Variants in VMP1 observed in about 807,000 individuals in gnomAD.
VMP1 encodes vacuole membrane protein 1.
In VMP1, 11 loss-of-function variants were observed where a neutral mutation model predicts 56.0. The observed-to-expected ratio is 0.20, with a 90% confidence interval of 0.12 to 0.32. The LOEUF is 0.32. VMP1 is among the 10% of genes least tolerant of loss of function. The pLI is 1.00. For synonymous variants in VMP1, 149 were observed against 165.0 expected, an observed-to-expected ratio of 0.90 and a Z score of 0.74; for missense variants, 296 against 490.3, an observed-to-expected ratio of 0.60 and a Z score of 3.74.
intron 5 of VMP1, among the ~76,000 whole-genome samples, chr17:59,750,967 C>G (rs2035620271): frequency 8.2e-6 from 1 of 122,154 alleles, no homozygotes; most frequent in South Asian, 2.9e-4. Context: ...GAGTCTAGCT[C>G]TGTCACCCAG....
chr17:59,805,188 A>G (rs577271056), intron 7 of VMP1, among the ~76,000 whole-genome samples: 1 of 152,324 alleles, frequency 6.6e-6, no homozygotes, highest in South Asian at 2.1e-4. Flanking sequence ...CAAAAAAAAG[A>G]TTGTTGAAGC....
chr17:59,720,185 A>C (rs2034339124), intron 1 of VMP1, among the ~76,000 whole-genome samples: 2 of 152,258 alleles, frequency 1.3e-5, no homozygotes, highest in African/African-American at 4.8e-5. Context: ...TCCTACATCT[A>C]GGAATCTCAC....
chr17:59,758,220 TC>T (rs1313855827), intron 5 of VMP1, among the ~76,000 whole-genome samples: 2 of 152,202 alleles, frequency 1.3e-5, no homozygotes, highest in Admixed American at 6.6e-5. Flanking sequence ...GTGTTCACAC[TC>T]ATTTTATAGC....
At chr17:59,712,812 G>A (rs1440188200) in intron 1 of VMP1, among the ~76,000 whole-genome samples, 2 of 152,286 alleles carry the variant, frequency 1.3e-5, no homozygotes, top group East Asian at 3.9e-4. Context: ...TTTAAGTAGA[G>A]GAGTAATAGG....
At chr17:59,724,187 G>C (rs1381738744) in intron 1 of VMP1, among the ~76,000 whole-genome samples, 2 of 149,376 alleles carry the variant, frequency 1.3e-5, no homozygotes, top group African/African-American at 2.5e-5. Context: ...ACTCCAGCCC[G>C]GGGGACAGAG....
chr17:59,788,686 A>G (rs952216583), intron 7 of VMP1, among the ~76,000 whole-genome samples: 1 of 151,350 alleles, frequency 6.6e-6, no homozygotes, highest in Non-Finnish European at 1.5e-5. Context: ...GGGTGCTTCT[A>G]GTCCCAGCTG....
intron 5 of VMP1, among the ~76,000 whole-genome samples, chr17:59,747,604 T>A (rs1019606659): frequency 6.6e-6 from 1 of 150,534 alleles, no homozygotes; most frequent in Non-Finnish European, 1.5e-5. Flanking sequence ...AGAGATGGGG[T>A]TTCACCATGT....
In VMP1 at chr17:59,841,820, G is replaced by A. The variant is rs1418999910; in HGVS notation, c.*1909G>A. On this transcript the variant is annotated 3_prime_UTR_variant, in exon 12 of 12. Coordinates refer to ENST00000262291, the MANE Select transcript of VMP1 (RefSeq NM_030938.5). ...AAAGCAAATACGAATTGTACTATTT[G>A]TACCAAATCTTTGGGATTCATTGGC... The A allele has an allele frequency of 6.6e-6, 1 of 151,964 alleles. No individual in the cohort carries two copies. The highest frequency in any genetic ancestry group is 1.5e-5 in the Non-Finnish European group (1 of 68,010). The allele number at this position is 151,964 out of a possible 1,614,324, so 9.4% of individuals were successfully genotyped here. A position where few individuals can be genotyped will look rare whatever the true frequency, so the allele number is the denominator to read the frequency against.
chr17:59,792,000 C>T (rs568753508), intron 7 of VMP1, among the ~76,000 whole-genome samples: 17 of 152,146 alleles, frequency 1.1e-4, no homozygotes, highest in African/African-American at 3.9e-4. Context: ...GGCCGGGTGC[C>T]ATGGCTCATG....
rs537134495 is a variant in VMP1, at chr17:59,719,022, A to T, written c.-27+11274A>T. Reference sequence around the variant, plus strand: ...TAGTTACTCTGATATTGTGCATTTTATTTGAATTATCTTTGGCCTTATACC... The same window carrying T: ...TAGTTACTCTGATATTGTGCATTTTTTTTGAATTATCTTTGGCCTTATACC... On this transcript the variant is annotated intron_variant, in intron 1 of 11. Coordinates refer to ENST00000262291, the MANE Select transcript of VMP1 (RefSeq NM_030938.5). 6.6e-5 allele frequency among the ~76,000 whole-genome samples: 10 copies of T among 152,198 alleles called. No individual in the cohort carries two copies. In the East Asian group the frequency reaches 1.9e-3, roughly 29 times the overall value.
chr17:59,773,987 GT>G, intron 7 of VMP1, 102 bp downstream of exon 7: 2 of 715,674 alleles, frequency 2.8e-6, no homozygotes, highest in South Asian at 5.1e-5. Context: ...AACTGCTAAA[GT>G]AAAAAAAAAA....
intron 10 of VMP1, among the ~76,000 whole-genome samples, chr17:59,837,475 C>T (rs1476997292): frequency 6.6e-6 from 1 of 152,130 alleles, no homozygotes; most frequent in Non-Finnish European, 1.5e-5. Context: ...GTTGCCAAAC[C>T]GGTTTAACAG....
intron 10 of VMP1, among the ~76,000 whole-genome samples, chr17:59,829,474 A>G (rs946778254): frequency 2.0e-5 from 3 of 152,188 alleles, no homozygotes; most frequent in African/African-American, 7.2e-5. Flanking sequence ...CTGAGTCACT[A>G]TGAATAGAGC....
At chr17:59,830,960 T>C (rs1444339995) in intron 10 of VMP1, among the ~76,000 whole-genome samples, 1 of 152,104 alleles carries the variant, frequency 6.6e-6, no homozygotes, top group Non-Finnish European at 1.5e-5. Flanking sequence ...CTTGAGTAAC[T>C]AGGACTACAG....
At chr17:59,743,638 A>T (rs1415390247) in intron 5 of VMP1, among the ~76,000 whole-genome samples, 1 of 149,994 alleles carries the variant, frequency 6.7e-6, no homozygotes, top group Non-Finnish European at 1.5e-5. Flanking sequence ...TTATAAATAC[A>T]TATATTTTCT....
intron 6 of VMP1, among the ~76,000 whole-genome samples, chr17:59,769,953 A>G (rs146481989): frequency 9.8e-5 from 15 of 152,348 alleles, no homozygotes; most frequent in Non-Finnish European, 1.8e-4. Context: ...TGTCTAGGGT[A>G]TAATGTGTTT....
intron 7 of VMP1, among the ~76,000 whole-genome samples, chr17:59,804,187 G>A (rs1344279218): frequency 1.3e-5 from 2 of 151,938 alleles, no homozygotes; most frequent in Non-Finnish European, 2.9e-5. Flanking sequence ...AAACTACAGA[G>A]CAACAAGGAA....
chr17:59,801,622 A>C (rs1286030973), intron 7 of VMP1, among the ~76,000 whole-genome samples: 2 of 151,916 alleles, frequency 1.3e-5, no homozygotes, highest in Admixed American at 6.6e-5. Flanking sequence ...AGGCCGGATG[A>C]GGTGGCTCAT....
chr17:59,808,499 G>A (rs2037927100), intron 7 of VMP1, among the ~76,000 whole-genome samples: 2 of 152,262 alleles, frequency 1.3e-5, no homozygotes, highest in East Asian at 1.9e-4. Context: ...TAATAAATTG[G>A]TTCATGGTTA....
Sources: gnomAD v4.1 joint callset for allele counts (sites outside exome capture counted in the v4.1 genomes callset) on GRCh38, gnomAD v4.1.1 for gene constraint, MANE v1.5 for transcripts, NCBI Gene and HGNC (gene_info 2026-07-23, HGNC 2026-07-21) for gene names.